Variants in LSAMP observed in about 807,000 individuals in gnomAD.
LSAMP encodes the protein limbic system associated membrane protein.
A neutral mutation model predicts 38.6 loss-of-function variants in LSAMP; 7 were observed. The observed-to-expected ratio is 0.18, with a 90% CI of 0.10 to 0.34. The LOEUF is 0.34. Ranked by LOEUF, LSAMP falls within the 10% of genes least tolerant of loss-of-function variation. The pLI is 1.00. For missense variants in LSAMP, 313 were observed against 420.0 expected, an observed-to-expected ratio of 0.75 and a Z score of 2.23; for synonymous variants, 154 against 166.8, an observed-to-expected ratio of 0.92 and a Z score of 0.59.
intron 1 of LSAMP, among the ~76,000 whole-genome samples, chr3:116,268,456 G>A (rs979509128): frequency 2.1e-4 from 32 of 152,034 alleles, no homozygotes; most frequent in African/African-American, 7.2e-4. Context: ...AGGCATGGAC[G>A]GGGGATGGGG....
At chr3:116,137,834 C>T (rs1327117277) in intron 1 of LSAMP, among the ~76,000 whole-genome samples, 1 of 152,100 alleles carries the variant, frequency 6.6e-6, no homozygotes, top group Non-Finnish European at 1.5e-5. Flanking sequence ...TGAATACCCA[C>T]AAAAAGGGGA....
At chr3:116,007,731 C>T (rs753621749) in intron 3 of LSAMP, among the ~76,000 whole-genome samples, 2 of 152,112 alleles carry the variant, frequency 1.3e-5, no homozygotes, top group Non-Finnish European at 2.9e-5. Context: ...CAGGAAGAAT[C>T]TCAAATGCTC....
rs1272819278 is a variant in LSAMP at position 116,148,736 on chromosome 3, G to C, written c.156-62180C>G. Reference sequence around the variant, plus strand: ...CGCTTTTTAAAATGCATCTGTCAGAGTAATTTAACATGTGATTGGTAAACA... The same window carrying C: ...CGCTTTTTAAAATGCATCTGTCAGACTAATTTAACATGTGATTGGTAAACA... On this transcript the variant is annotated intron_variant, in intron 1 of 6. Transcript: ENST00000490035. Among the ~76,000 whole-genome samples the C allele has an allele frequency of 2.6e-5, 4 of 152,096 alleles. No individual in the cohort carries two copies. In the East Asian group the frequency reaches 7.8e-4, roughly 30 times the overall value.
intron 1 of LSAMP, among the ~76,000 whole-genome samples, chr3:116,296,985 T>C (rs1252446025): frequency 6.6e-6 from 1 of 152,176 alleles, no homozygotes; most frequent in Non-Finnish European, 1.5e-5. Flanking sequence ...AATGTCCTCA[T>C]AGGATTCTTT....
In LSAMP at chr3:115,867,470, G is replaced by A. The variant is rs146795213; in HGVS notation, c.515-14853C>T. Among the ~76,000 whole-genome samples, 3 of 152,178 alleles carry A rather than the reference G, an allele frequency of 2.0e-5. No individual in the cohort carries two copies. In the East Asian group the frequency reaches 5.8e-4, roughly 29 times the overall value. On this transcript the variant is annotated intron_variant, in intron 3 of 6. Coordinates refer to ENST00000490035, the MANE Select transcript of LSAMP (RefSeq NM_002338.5). ...CTTTTGACAGATGGCTTTACCCGAA[G>A]GCAAACTTAGCAGTGGCTCTCAGGG...
chr3:116,367,002 T>A lies in LSAMP; in HGVS notation c.155+77875A>T, dbSNP rs1236077954. Among the ~76,000 whole-genome samples, 4 of 152,180 alleles carry A rather than the reference T, an allele frequency of 2.6e-5. No homozygotes were observed. In the East Asian group the frequency reaches 7.7e-4, roughly 29 times the overall value. On this transcript the variant is annotated intron_variant, in intron 1 of 6. Coordinates refer to ENST00000490035, the MANE Select transcript of LSAMP (RefSeq NM_002338.5). ...TAAGACAGCTGGTATATCTAAAACC[T>A]GTAACAATTACTTGTATTATTTCTA...
intron 3 of LSAMP, among the ~76,000 whole-genome samples, chr3:115,897,667 C>T (rs1559871728): frequency 6.6e-6 from 1 of 152,092 alleles, no homozygotes; most frequent in Non-Finnish European, 1.5e-5. Flanking sequence ...CCATCAGCAG[C>T]GGTGGACAAG....
At chr3:116,071,697 C>G (rs981595629) in intron 2 of LSAMP, among the ~76,000 whole-genome samples, 5 of 152,076 alleles carry the variant, frequency 3.3e-5, no homozygotes, top group African/African-American at 1.2e-4. Flanking sequence ...CAACCCATCA[C>G]CAAGGTATTA....
intron 3 of LSAMP, among the ~76,000 whole-genome samples, chr3:115,862,471 G>T (rs570897335): frequency 6.6e-6 from 1 of 152,150 alleles, no homozygotes; most frequent in Non-Finnish European, 1.5e-5. Flanking sequence ...ACCTCATATA[G>T]GTTCACCCTA....
chr3:116,290,767 TAATAATAAAATAAAC>T (rs2047256010), intron 1 of LSAMP, among the ~76,000 whole-genome samples: 1 of 133,490 alleles, frequency 7.5e-6, no homozygotes, highest in African/African-American at 3.0e-5. Context: ...ATAATAATAA[TAATAATAAAATAAAC>T]TTTCCTAGTT....
chr3:115,953,426 C>CACACACACACACAT (rs1224017094), intron 3 of LSAMP, among the ~76,000 whole-genome samples: 2 of 151,956 alleles, frequency 1.3e-5, no homozygotes, highest in African/African-American at 4.8e-5. Flanking sequence ...CACACACACA[C>CACACACACACACAT]ACACACACAC....
At chr3:116,356,601 G>T (rs139360159) in intron 1 of LSAMP, among the ~76,000 whole-genome samples, 33 of 152,270 alleles carry the variant, frequency 2.2e-4, no homozygotes, top group African/African-American at 7.0e-4. Flanking sequence ...GAATGTTTGT[G>T]ACACAAAGAA....
chr3:116,072,045 G>T (rs903827757), intron 2 of LSAMP, among the ~76,000 whole-genome samples: 4 of 145,456 alleles, frequency 2.7e-5, no homozygotes, highest in Non-Finnish European at 6.0e-5. Flanking sequence ...GTGCGATCTC[G>T]GCTCACTGCA....
chr3:116,104,114 T>C (rs916656496), intron 1 of LSAMP, among the ~76,000 whole-genome samples: 1 of 152,232 alleles, frequency 6.6e-6, no homozygotes, highest in African/African-American at 2.4e-5. Flanking sequence ...AGGGCCTCCG[T>C]GGCCCACCCA....
chr3:116,201,349 C>T (rs1395367310), intron 1 of LSAMP, among the ~76,000 whole-genome samples: 1 of 152,178 alleles, frequency 6.6e-6, no homozygotes, highest in African/African-American at 2.4e-5. Flanking sequence ...AAAATGTTAA[C>T]ACTGCTTGGG....
At chr3:116,343,104 A>G (rs1210180257) in intron 1 of LSAMP, among the ~76,000 whole-genome samples, 1 of 152,076 alleles carries the variant, frequency 6.6e-6, no homozygotes, top group Non-Finnish European at 1.5e-5. Context: ...AAACAAAACA[A>G]CAATAACAAC....
At position 115,809,406 on chromosome 3, in the gene LSAMP, C is replaced by T. The variant is rs1933734189; in HGVS notation, c.*911G>A. 2 of 153,816 alleles carry T rather than the reference C, an allele frequency of 1.3e-5. No individual in the cohort carries two copies. Among genetic ancestry groups the T allele is most frequent in the Non-Finnish European group, 2.9e-5 (2 of 69,388 alleles). The allele number at this position is 153,816 out of a possible 1,614,324, so 9.5% of individuals were successfully genotyped here. ...ATGTAGGGAGGACTCTGCTCCTTGC[C>T]TCTTTCCCCGCCATCTCCCCCAGCA... is the stretch of plus-strand genomic sequence containing the variant. On this transcript the variant is annotated 3_prime_UTR_variant, in exon 7 of 7. Coordinates refer to ENST00000490035, the MANE Select transcript of LSAMP (RefSeq NM_002338.5).
At position 116,214,691 on chromosome 3, in the gene LSAMP, C is replaced by T. The variant is rs572408855; in HGVS notation, c.156-128135G>A. On this transcript the variant is annotated intron_variant, in intron 1 of 6. Transcript: ENST00000490035. ...CTAATTTTTGTATTTTTAGGAGAGA[C>T]GGGGTTTCACCATGTTGGCCAGGCT... 4.6e-5 allele frequency among the ~76,000 whole-genome samples: 7 copies of T among 151,778 alleles called. No individual in the cohort carries two copies. The East Asian group carries it at 7.8e-4, about 17-fold the overall frequency.
At chr3:116,097,899 C>T (rs1462365063) in intron 1 of LSAMP, among the ~76,000 whole-genome samples, 1 of 151,986 alleles carries the variant, frequency 6.6e-6, no homozygotes, top group African/African-American at 2.4e-5. Context: ...CCATACCTGG[C>T]TAATTTTGTA....
Sources: allele counts gnomAD v4.1 joint callset (sites outside exome capture counted in the v4.1 genomes callset), GRCh38; gene constraint gnomAD v4.1.1; transcripts MANE v1.5; gene names NCBI Gene and HGNC (gene_info 2026-07-23, HGNC 2026-07-21).